FOXI1: variants seen among roughly 807,000 people sequenced by gnomAD.
FOXI1 encodes forkhead box protein I1.
A neutral mutation model predicts 16.4 loss-of-function variants in FOXI1; 11 were observed. That is an observed-to-expected ratio of 0.67 (90% CI 0.42 to 1.11). The LOEUF (loss-of-function observed/expected upper bound fraction) is 1.11. Among genes scored for constraint, FOXI1 ranks in the 50% least tolerant of loss-of-function variants. FOXI1 has a pLI of 0.00. For missense variants in FOXI1, 480 were observed against 506.1 expected, an observed-to-expected ratio of 0.95 and a Z score of 0.49; for synonymous variants, 218 against 211.5, an observed-to-expected ratio of 1.03 and a Z score of -0.27.
rs2113894451 is a variant in FOXI1 at position 170,105,999 on chromosome 5, C to T, written c.42C>T (p.Cys14=). 1 of 1,611,902 alleles carries T rather than the reference C, an allele frequency of 6.2e-7. No individual in the cohort carries two copies. Residue 14 remains cysteine, a synonymous_variant, in exon 1 of 2, where the codon TGC becomes TGT. Coordinates refer to ENST00000306268, the MANE Select transcript of FOXI1 (RefSeq NM_012188.5). ...FDLPAPSPPR[C]SPQFPSIGQE... is the part of the protein sequence containing the mutation. The stretch of plus-strand genomic sequence containing the variant: ...TGCCGGCGCCCTCCCCACCTCGCTG[C>T]AGCCCCCAGTTCCCCAGCATCGGCC...
chr5:170,106,891 T>A, intron 1 of FOXI1: 1 of 644,056 alleles, frequency 1.6e-6, no homozygotes, highest in Non-Finnish European at 1.9e-6. Context: ...TCGCCTGCAG[T>A]AATTACGATT....
In FOXI1 at chr5:170,106,556, G is replaced by T. The variant is rs371093479; in HGVS notation, c.574+25G>T. 59 of 1,613,700 alleles carry T rather than the reference G, an allele frequency of 3.7e-5. No individual in the cohort carries two copies. In the African/African-American group the frequency reaches 6.9e-4, roughly 19 times the overall value. ...GGTAAGGAGGCTTTGAGTGTGGGGG[G>T]TGTCCCCAAGGAAGACTCACTTCCT... On this transcript the variant is annotated intron_variant, in intron 1 of 1. Transcript: ENST00000306268.
At chr5:170,107,802 T>C (rs1381206502) in intron 1 of FOXI1, among the ~76,000 whole-genome samples, 2 of 152,158 alleles carry the variant, frequency 1.3e-5, no homozygotes, top group Non-Finnish European at 2.9e-5. Context: ...GAGACCTACA[T>C]TGCAAACTCC....
Position 170,106,293 on chromosome 5 carries a change from C to T in FOXI1, c.336C>T (p.Ile112=). Residue 112 remains isoleucine, a synonymous_variant, in exon 1 of 2, where the codon ATC becomes ATT. Transcript: ENST00000306268. The part of the protein sequence containing the change: ...LGGSDLGWLP[I]PSQEELMKLV... ...GGAGCGACCTGGGCTGGCTGCCCAT[C>T]CCCTCGCAGGAGGAGCTGATGAAGC... is the stretch of plus-strand genomic sequence containing the variant. The T allele has an allele frequency of 6.3e-7, 1 of 1,586,366 alleles. No homozygotes were observed. The highest frequency in any genetic ancestry group is 8.6e-7 in the Non-Finnish European group (1 of 1,166,622).
Position 170,108,731 on chromosome 5 carries a change from G to A in FOXI1, c.*120G>A. The A allele has an allele frequency of 1.9e-5, 15 of 779,552 alleles. No individual in the cohort carries two copies. Among genetic ancestry groups the A allele is most frequent in the South Asian group, 1.5e-4 (10 of 68,708 alleles). The allele number at this position is 779,552 out of a possible 1,614,324, so 48.3% of individuals were successfully genotyped here. ...TGCCCAGACATAAGCAGGAGCCTCC[G>A]AGGAATCCACCCTCTTTCTAGAACA... On this transcript the variant is annotated 3_prime_UTR_variant, in exon 2 of 2. Transcript: ENST00000306268.
Position 170,106,265 on chromosome 5 carries a change from G to A in FOXI1, c.308G>A (p.Gly103Glu), listed in dbSNP as rs370450076. ...RPLLPSVSGL[G>E]GSDLGWLPIP... ...CTGCTGCCCAGCGTGTCGGGGCTTGGGGGGAGCGACCTGGGCTGGCTGCCC... is the reference window on the plus strand; with the variant it reads ...CTGCTGCCCAGCGTGTCGGGGCTTGAGGGGAGCGACCTGGGCTGGCTGCCC... Residue 103 changes from glycine (G) to glutamate (E), a missense_variant, in exon 1 of 2, where the codon GGG becomes GAG. Physicochemically the swap from Gly to Glu is moderately conservative, Grantham distance 98. This residue lies in a region of FOXI1 where 219 missense variants were observed against 222.9 expected (regional missense o/e 0.98). Coordinates refer to ENST00000306268, the MANE Select transcript of FOXI1 (RefSeq NM_012188.5). 2.0e-5 allele frequency: 31 copies of A among 1,580,624 alleles called. 1 individual carries two copies. In the South Asian group the frequency reaches 2.9e-4, roughly 15 times the overall value.
Position 170,108,682 on chromosome 5 carries a change from C to T in FOXI1, c.*71C>T. ...CAGTAGAGGTCCTCCATGCCAGCCC[C>T]ACGGTGGTCCATGACTGCGGAACTG... On this transcript the variant is annotated 3_prime_UTR_variant, in exon 2 of 2. Coordinates refer to ENST00000306268, the MANE Select transcript of FOXI1 (RefSeq NM_012188.5). 1 of 1,218,802 alleles carries T rather than the reference C, an allele frequency of 8.2e-7. No individual in the cohort carries two copies. Among genetic ancestry groups the T allele is most frequent in the Non-Finnish European group, 1.2e-6 (1 of 821,304 alleles). 75.5% of individuals were successfully genotyped at this position (1,218,802 alleles called of 1,614,324 possible).
At chr5:170,107,061 G>A in intron 1 of FOXI1, 1 of 943,544 alleles carries the variant, frequency 1.1e-6, no homozygotes, top group Non-Finnish European at 1.3e-6. Flanking sequence ...TTTCTACTTA[G>A]GTAACCTCCT....
At position 170,108,366 on chromosome 5, in the gene FOXI1, C is replaced by A. The variant is rs747180919; in HGVS notation, c.892C>A (p.Pro298Thr). Residue 298 changes from proline (P) to threonine (T), a missense_variant, in exon 2 of 2, where the codon CCC (proline) becomes ACC (threonine). Coordinates refer to ENST00000306268, the MANE Select transcript of FOXI1 (RefSeq NM_012188.5). The stretch of plus-strand genomic sequence containing the variant: ...GAGCGGGGGGAGCCCCACGAGCCAC[C>A]CCTTGGTCACACCAGGACTGAGCCC... Reference protein sequence around the residue: ...YVSGGSPTSHPLVTPGLSPEP... With the variant: ...YVSGGSPTSHTLVTPGLSPEP... The A allele has an allele frequency of 1.9e-6, 3 of 1,614,038 alleles. No homozygotes were observed. The Admixed American group carries it at 5.0e-5, about 27-fold the overall frequency.
chr5:170,105,974 T>C lies in FOXI1; in HGVS notation c.17T>C (p.Leu6Pro), dbSNP rs754631646. Residue 6 changes from leucine to proline, a missense_variant, in exon 1 of 2, where the codon CTG becomes CCG. By Grantham distance (98) the Leu-to-Pro change is moderately conservative. Transcript: ENST00000306268. MSSFD[L>P]PAPSPPRCSP... is the part of the protein sequence containing the mutation. ...AGCCCCAGCATGAGCTCCTTCGACC[T>C]GCCGGCGCCCTCCCCACCTCGCTGC... 1 of 1,610,494 alleles carries C rather than the reference T, an allele frequency of 6.2e-7. No individual in the cohort carries two copies. Among genetic ancestry groups the C allele is most frequent in the Non-Finnish European group, 8.5e-7 (1 of 1,177,516 alleles).
rs1758581778 is a variant in FOXI1, at chr5:170,108,800, CTCACCAACT to C, written c.*191_*199del. On this transcript the variant is annotated 3_prime_UTR_variant, in exon 2 of 2. Coordinates refer to ENST00000306268, the MANE Select transcript of FOXI1 (RefSeq NM_012188.5). ...TATCACACATAGGCCCACACACAGA[CTCACCAACT>C]TTGCAATAGAAATACTGGTGCCTGC... The C allele has an allele frequency of 1.6e-6, 1 of 615,150 alleles. No homozygotes were observed. The highest frequency in any genetic ancestry group is 2.9e-6 in the Non-Finnish European group (1 of 346,598). The allele number at this position is 615,150 out of a possible 1,614,324, so 38.1% of individuals were successfully genotyped here. A position where few individuals can be genotyped will look rare whatever the true frequency, so the allele number is the denominator to read the frequency against.
At position 170,108,446 on chromosome 5, in the gene FOXI1, G is replaced by C. The variant is rs56128152; in HGVS notation, c.972G>C (p.Pro324=). ...QNSLTFNSFS[P]LTNLSNHSGG... is the part of the protein sequence containing the mutation. ...CACTGACCTTCAACTCCTTCTCCCC[G>C]CTCACCAACCTCAGCAACCACAGCG... is the stretch of plus-strand genomic sequence containing the variant. Residue 324 remains proline, a synonymous_variant, in exon 2 of 2, where the codon CCG becomes CCC. Coordinates refer to ENST00000306268, the MANE Select transcript of FOXI1 (RefSeq NM_012188.5). 25,994 of 1,602,972 alleles carry C rather than the reference G, an allele frequency of 0.016. 267 individuals are homozygous for C. The highest frequency in any genetic ancestry group is 0.019 in the Non-Finnish European group (22,459 of 1,172,412).
chr5:170,109,652 T>C lies in FOXI1; in HGVS notation c.*1041T>C, dbSNP rs1460950098. 6.6e-6 allele frequency: 1 copy of C among 152,220 alleles called. No homozygotes were observed. The highest frequency in any genetic ancestry group is 6.5e-5 in the Admixed American group (1 of 15,284). The allele number at this position is 152,220 out of a possible 1,614,324, so 9.4% of individuals were successfully genotyped here. ...TCTCTGTGTGATCTCTTGGGATTTC[T>C]CCTTGTTTTTGTGAGTACCTGGGAA... is the stretch of plus-strand genomic sequence containing the variant. On this transcript the variant is annotated 3_prime_UTR_variant, in exon 2 of 2. Transcript: ENST00000306268.
In FOXI1 at chr5:170,108,230, G is replaced by A; in HGVS notation, c.756G>A (p.Leu252=). 1 of 1,614,172 alleles carries A rather than the reference G, an allele frequency of 6.2e-7. No individual in the cohort carries two copies. Among genetic ancestry groups the A allele is most frequent in the African/African-American group, 1.3e-5 (1 of 75,044 alleles). Residue 252 remains leucine, a synonymous_variant, in exon 2 of 2, where the codon TTG becomes TTA. Coordinates refer to ENST00000306268, the MANE Select transcript of FOXI1 (RefSeq NM_012188.5). Reference sequence around the variant, plus strand: ...AGACCACGGAGCCTCAGGACATCTTGGATGGAGCCTCACCAGGGGGCACCA... The same window carrying A: ...AGACCACGGAGCCTCAGGACATCTTAGATGGAGCCTCACCAGGGGGCACCA... ...SPKTTEPQDI[L]DGASPGGTTS...
At chr5:170,107,989 G>A (rs1758544812) in intron 1 of FOXI1, 60 bp from the exon 2 acceptor site, 11 of 1,337,950 alleles carry the variant, frequency 8.2e-6, no homozygotes, top group Non-Finnish European at 1.2e-5. Context: ...ACAATAAGGA[G>A]GAACAGAAGC....
At chr5:170,107,722 T>C (rs1758534038) in intron 1 of FOXI1, among the ~76,000 whole-genome samples, 1 of 152,206 alleles carries the variant, frequency 6.6e-6, no homozygotes, top group Non-Finnish European at 1.5e-5. Context: ...CCTTCAGCAT[T>C]GAAAGCCCTC....
rs570034406 is a variant in FOXI1 at position 170,109,518 on chromosome 5, A to T, written c.*907A>T. The T allele has an allele frequency of 6.7e-6, 1 of 149,896 alleles. No individual in the cohort carries two copies. The highest frequency in any genetic ancestry group is 1.5e-5 in the Non-Finnish European group (1 of 67,934). 9.3% of individuals were successfully genotyped at this position (149,896 alleles called of 1,614,324 possible). A position where few individuals can be genotyped will look rare whatever the true frequency, so the allele number is the denominator to read the frequency against. On this transcript the variant is annotated 3_prime_UTR_variant, in exon 2 of 2. Coordinates refer to ENST00000306268, the MANE Select transcript of FOXI1 (RefSeq NM_012188.5). ...TGGAGATGGCTGAATCTTCCAAGAG[A>T]AACAAGGTTGGATAAGCGCTTCCTT...
In FOXI1 at chr5:170,108,556, A is replaced by G. The variant is rs1222447468; in HGVS notation, c.1082A>G (p.Tyr361Cys). ...SVLSQFSPHF[Y>C]NSVNTSGVLY... Reference sequence around the variant, plus strand: ...CTCAGCCAATTCAGCCCTCACTTCTACAACAGTGTCAACACCAGTGGTGTC... The same window carrying G: ...CTCAGCCAATTCAGCCCTCACTTCTGCAACAGTGTCAACACCAGTGGTGTC... Residue 361 changes from tyrosine (Y) to cysteine (C), a missense_variant, in exon 2 of 2, where the codon TAC (tyrosine) becomes TGC (cysteine). Tyr to Cys is a radical substitution (Grantham distance 194). Coordinates refer to ENST00000306268, the MANE Select transcript of FOXI1 (RefSeq NM_012188.5). 1 of 1,613,638 alleles carries G rather than the reference A, an allele frequency of 6.2e-7. No individual in the cohort carries two copies. Among genetic ancestry groups the G allele is most frequent in the Non-Finnish European group, 8.5e-7 (1 of 1,179,908 alleles).
rs1758498787 is a variant in FOXI1 at position 170,106,619 on chromosome 5, G to C, written c.574+88G>C. 4 of 1,557,566 alleles carry C rather than the reference G, an allele frequency of 2.6e-6. No homozygotes were observed. The Admixed American group carries it at 5.7e-5, about 22-fold the overall frequency. Reference sequence around the variant, plus strand: ...CCCCATTCTAGAAAGTTCTGACTAGGGCTGTGCCCCCCAAGACTGGGGGAT... The same window carrying C: ...CCCCATTCTAGAAAGTTCTGACTAGCGCTGTGCCCCCCAAGACTGGGGGAT... On this transcript the variant is annotated intron_variant, in intron 1 of 1. Coordinates refer to ENST00000306268, the MANE Select transcript of FOXI1 (RefSeq NM_012188.5).
Sources: allele counts gnomAD v4.1 joint callset (sites outside exome capture counted in the v4.1 genomes callset), GRCh38; gene constraint gnomAD v4.1.1; regional missense constraint gnomAD v4.1.1; transcripts MANE v1.5; gene names NCBI Gene and HGNC (gene_info 2026-07-23, HGNC 2026-07-21).